Variants in RYR3 observed in about 807,000 individuals in gnomAD.
The protein encoded by RYR3 is brain ryanodine receptor-calcium release channel.
A neutral mutation model predicts 584.3 loss-of-function variants in RYR3; 207 were observed. The observed-to-expected ratio is 0.35, with a 90% CI of 0.32 to 0.40. The LOEUF (loss-of-function observed/expected upper bound fraction) is 0.40, where lower values mean the gene tolerates loss of function less well. Among genes scored for constraint, RYR3 ranks in the 10% least tolerant of loss-of-function variants. The pLI is 1.00. For synonymous variants in RYR3, 2,416 were observed against 2,248.5 expected (o/e 1.07, Z -2.11); for missense variants, 5,616 against 6,089.2 (o/e 0.92, Z 2.59).
chr15:33,778,170 A>AAGATAAATAAATAAATAAAT (rs2074137338), intron 64 of RYR3, among the ~76,000 whole-genome samples: 1 of 148,302 alleles, frequency 6.7e-6, no homozygotes, highest in Non-Finnish European at 1.5e-5. Flanking sequence ...ACTCTGTCTC[A>AAGATAAATAAATAAATAAAT]AAATAAATAA....
chr15:33,598,944 A>G (rs1228586871), intron 16 of RYR3, among the ~76,000 whole-genome samples: 1 of 152,122 alleles, frequency 6.6e-6, no homozygotes, highest in Non-Finnish European at 1.5e-5. Flanking sequence ...AGTCCCAGCT[A>G]CTTGGGAGAC....
At chr15:33,510,012 T>C (rs2052833133) in intron 3 of RYR3, among the ~76,000 whole-genome samples, 1 of 152,218 alleles carries the variant, frequency 6.6e-6, no homozygotes, top group Non-Finnish European at 1.5e-5. Flanking sequence ...TGGCTGACCA[T>C]CCACACCTGC....
chr15:33,517,713 C>G (rs2053637224), intron 3 of RYR3, among the ~76,000 whole-genome samples: 1 of 152,152 alleles, frequency 6.6e-6, no homozygotes, highest in Non-Finnish European at 1.5e-5. Context: ...TTGTATAACT[C>G]TTTAATATCT....
At chr15:33,574,546 T>A (rs1411996350) in intron 12 of RYR3, among the ~76,000 whole-genome samples, 1 of 152,200 alleles carries the variant, frequency 6.6e-6, no homozygotes, top group Non-Finnish European at 1.5e-5. Context: ...TACACACTGA[T>A]GTGCCTCCCT....
At chr15:33,805,701 T>G (rs2076164045) in intron 69 of RYR3, among the ~76,000 whole-genome samples, 1 of 151,704 alleles carries the variant, frequency 6.6e-6, no homozygotes, top group African/African-American at 2.4e-5. Context: ...ATGGTCTCGA[T>G]CTCCTGACGT....
rs546298363 is a variant in RYR3 at position 33,561,637 on chromosome 15, G to A, written c.973-1200G>A. On this transcript the variant is annotated intron_variant, in intron 10 of 103. Transcript: ENST00000634891. ...ACTATTAAGAATGAGAAGAATGTGG[G>A]GGTCGAGGTGGGTGGATTGCTTGAG... Among the ~76,000 whole-genome samples, 10 of 151,706 alleles carry A rather than the reference G, an allele frequency of 6.6e-5. No individual in the cohort carries two copies. In the South Asian group the frequency reaches 2.1e-3, roughly 32 times the overall value.
chr15:33,432,805 G>C (rs8024555), intron 1 of RYR3, among the ~76,000 whole-genome samples: 101,300 of 151,482 alleles, frequency 0.67, 35,423 homozygotes, highest in African/African-American at 0.9. Flanking sequence ...CAGGCGTGAG[G>C]CACCGCGACT....
intron 1 of RYR3, among the ~76,000 whole-genome samples, chr15:33,471,978 ACT>A (rs2048972079): frequency 6.6e-6 from 1 of 151,870 alleles, no homozygotes; most frequent in Admixed American, 6.6e-5. Context: ...GAAAAATTTC[ACT>A]CTCTTCAGAG....
At chr15:33,626,383 G>C (rs2060987178) in intron 20 of RYR3, among the ~76,000 whole-genome samples, 1 of 152,126 alleles carries the variant, frequency 6.6e-6, no homozygotes, top group Admixed American at 6.6e-5. Flanking sequence ...GATGATTTAG[G>C]GTATCTGGGG....
At position 33,503,674 on chromosome 15, in the gene RYR3, A is replaced by C; in HGVS notation, c.215A>C (p.Gln72Pro). The C allele has an allele frequency of 6.2e-7, 1 of 1,613,366 alleles. No homozygotes were observed. Among genetic ancestry groups the C allele is most frequent in the Non-Finnish European group, 8.5e-7 (1 of 1,179,702 alleles). The change falls in exon 3 of 104, where the codon CAG becomes CCG. Residue 72 changes from glutamine to proline, a missense_variant. By Grantham distance (76) the Gln-to-Pro change is moderately conservative. This residue lies in a region of RYR3 where 1,284 missense variants were observed against 1,344.6 expected (regional missense o/e 0.95). Coordinates refer to ENST00000634891, the MANE Select transcript of RYR3 (RefSeq NM_001036.6). ...TGCGTCTGCAATTTTGTGCTGGAAC[A>C]GTCCCTATCTGTCAGAGCCCTGCAG... Reference protein sequence around the residue: ...DLCVCNFVLEQSLSVRALQEM... With the variant: ...DLCVCNFVLEPSLSVRALQEM...
intron 12 of RYR3, among the ~76,000 whole-genome samples, chr15:33,568,116 A>C (rs191478604): frequency 1.3e-5 from 2 of 152,200 alleles, no homozygotes; most frequent in African/African-American, 4.8e-5. Context: ...AGAGGAAAAA[A>C]GTAGAGGCAG....
intron 89 of RYR3, chr15:33,839,521 G>A (rs911404883): frequency 6.5e-6 from 1 of 153,344 alleles, no homozygotes; most frequent in Non-Finnish European, 1.5e-5. Context: ...AAGGTTCTGG[G>A]TGTTCCCCTC....
At chr15:33,837,428 A>C (rs1308601573) in intron 88 of RYR3, among the ~76,000 whole-genome samples, 1 of 151,840 alleles carries the variant, frequency 6.6e-6, no homozygotes, top group Non-Finnish European at 1.5e-5. Flanking sequence ...TGGTGTGGCC[A>C]CCTCCTTCTT....
At chr15:33,826,387 C>A in intron 83 of RYR3, 118 bp downstream of exon 83, 3 of 1,022,262 alleles carry the variant, frequency 2.9e-6, no homozygotes, top group Non-Finnish European at 4.6e-6. Flanking sequence ...TTGAACTCAG[C>A]AGTTTGGTAC....
chr15:33,860,397 T>C (rs1218309237), intron 100 of RYR3, among the ~76,000 whole-genome samples, 198 bp from the exon 101 acceptor site: 1 of 152,108 alleles, frequency 6.6e-6, no homozygotes, highest in Non-Finnish European at 1.5e-5. Flanking sequence ...CTGCATGGTG[T>C]AGAAAGGTAG....
chr15:33,787,346 T>C (rs62010993), intron 66 of RYR3, among the ~76,000 whole-genome samples: 29,683 of 152,184 alleles, frequency 0.2, 3,557 homozygotes, highest in South Asian at 0.29. Context: ...TCTAAAAGTA[T>C]CTGTTTTATA....
chr15:33,555,802 C>T (rs1446174526), intron 10 of RYR3, among the ~76,000 whole-genome samples: 1 of 152,114 alleles, frequency 6.6e-6, no homozygotes, highest in Non-Finnish European at 1.5e-5. Context: ...AAGAAATATG[C>T]CTTCCCCAAT....
At chr15:33,354,347 C>T (rs774135200) in intron 1 of RYR3, among the ~76,000 whole-genome samples, 1 of 152,214 alleles carries the variant, frequency 6.6e-6, no homozygotes, top group Non-Finnish European at 1.5e-5. Context: ...TGCCCTCCCT[C>T]ACTTCTGGTA....
intron 60 of RYR3, among the ~76,000 whole-genome samples, chr15:33,765,768 A>G (rs924067139): frequency 6.6e-6 from 1 of 152,040 alleles, no homozygotes; most frequent in African/African-American, 2.4e-5. Context: ...CAACTTTGAG[A>G]TTTAGCTAAC....
Sources: allele counts gnomAD v4.1 joint callset (sites outside exome capture counted in the v4.1 genomes callset), GRCh38; gene constraint gnomAD v4.1.1; regional missense constraint gnomAD v4.1.1; transcripts MANE v1.5; gene names NCBI Gene and HGNC (gene_info 2026-07-23, HGNC 2026-07-21).